The following GALNTL6 variants were observed in gnomAD, a reference collection of about 807,000 sequenced individuals.
The protein encoded by GALNTL6 is polypeptide N-acetylgalactosaminyltransferase-like 6.
GALNTL6 carries 46 observed loss-of-function variants against 73.7 expected under a neutral mutation model. The observed-to-expected ratio is 0.62, with a 90% confidence interval of 0.49 to 0.80. The LOEUF is 0.80. Ranked by LOEUF, GALNTL6 falls within the 30% of genes least tolerant of loss-of-function variation. The pLI is 0.00. For missense variants in GALNTL6, 604 were observed against 755.0 expected (o/e 0.80, Z 2.34); for synonymous variants, 259 against 263.7 (o/e 0.98, Z 0.17).
chr4:172,351,886 T>C (rs2111222452), intron 5 of GALNTL6, among the ~76,000 whole-genome samples: 1 of 152,248 alleles, frequency 6.6e-6, no homozygotes, highest in South Asian at 2.1e-4. Context: ...TCAGATACTC[T>C]ACAAGATCCT....
intron 10 of GALNTL6, among the ~76,000 whole-genome samples, chr4:172,966,197 C>T (rs1449575898): frequency 1.3e-5 from 2 of 152,126 alleles, no homozygotes; most frequent in Non-Finnish European, 2.9e-5. Flanking sequence ...AATACCTCCA[C>T]CCTACCAATG....
intron 2 of GALNTL6, among the ~76,000 whole-genome samples, chr4:172,004,306 G>A (rs547242271): frequency 5.3e-5 from 8 of 152,202 alleles, no homozygotes; most frequent in Admixed American, 4.6e-4. Flanking sequence ...GAGTGACAAT[G>A]GATCAGTTAC....
chr4:172,437,526 T>A (rs935734010), intron 5 of GALNTL6, among the ~76,000 whole-genome samples: 1 of 152,158 alleles, frequency 6.6e-6, no homozygotes, highest in African/African-American at 2.4e-5. Flanking sequence ...TGATAAATGA[T>A]TCTATGCTTC....
At chr4:172,849,011 A>C (rs2111104135) in intron 7 of GALNTL6, among the ~76,000 whole-genome samples, 1 of 152,268 alleles carries the variant, frequency 6.6e-6, no homozygotes, top group East Asian at 1.9e-4. Context: ...AGCTGAGGGA[A>C]GCCACCACCA....
intron 8 of GALNTL6, among the ~76,000 whole-genome samples, chr4:172,901,459 C>A (rs17058998): frequency 6.6e-6 from 1 of 152,018 alleles, no homozygotes; most frequent in East Asian, 1.9e-4. Context: ...GTAAAATATA[C>A]CCTGGTCAGC....
intron 5 of GALNTL6, among the ~76,000 whole-genome samples, chr4:172,662,500 A>ATAGTGT (rs1731428679): frequency 6.6e-6 from 1 of 152,174 alleles, no homozygotes; most frequent in Non-Finnish European, 1.5e-5. Flanking sequence ...TATAGTTAGT[A>ATAGTGT]ACAGCTCAGT....
In GALNTL6 at chr4:172,965,966, CCTTT is replaced by C. The variant is rs1299837754; in HGVS notation, c.1371+13711_1371+13714del. Among the ~76,000 whole-genome samples, 11 of 151,940 alleles carry C rather than the reference CCTTT, an allele frequency of 7.2e-5. No individual in the cohort carries two copies. The East Asian group carries it at 2.1e-3, about 29-fold the overall frequency. ...ATTTAATTTTCAGTGAAAATTAGTG[CCTTT>C]CTAATTCCAAGAATGACACTAAATT... On this transcript the variant is annotated intron_variant, in intron 10 of 12. Transcript: ENST00000506823.
intron 5 of GALNTL6, among the ~76,000 whole-genome samples, chr4:172,715,143 T>C (rs1453542542): frequency 6.6e-6 from 1 of 152,186 alleles, no homozygotes; most frequent in Non-Finnish European, 1.5e-5. Flanking sequence ...AATTATCCTT[T>C]TGGGGTCTCT....
intron 10 of GALNTL6, among the ~76,000 whole-genome samples, chr4:173,000,735 T>C (rs868623787): frequency 2.0e-5 from 3 of 152,302 alleles, no homozygotes; most frequent in South Asian, 4.1e-4. Flanking sequence ...TCCAATAGAT[T>C]GCCAAGAAAT....
chr4:172,495,379 G>A (rs1355909189), intron 5 of GALNTL6, among the ~76,000 whole-genome samples: 1 of 152,200 alleles, frequency 6.6e-6, no homozygotes, highest in Admixed American at 6.5e-5. Context: ...GCTGAAGCGA[G>A]GAGGCTTAAT....
At chr4:172,272,297 A>C (rs1031051635) in intron 3 of GALNTL6, among the ~76,000 whole-genome samples, 1 of 152,196 alleles carries the variant, frequency 6.6e-6, no homozygotes, top group Non-Finnish European at 1.5e-5. Flanking sequence ...ATATTAGTAC[A>C]GTCATGCTTT....
At chr4:172,756,924 C>T (rs1737787609) in intron 5 of GALNTL6, among the ~76,000 whole-genome samples, 1 of 152,058 alleles carries the variant, frequency 6.6e-6, no homozygotes, top group African/African-American at 2.4e-5. Flanking sequence ...TTATATTTTA[C>T]AAGTTTTTTG....
intron 2 of GALNTL6, among the ~76,000 whole-genome samples, chr4:172,020,597 G>A (rs554519010): frequency 1.3e-5 from 2 of 151,552 alleles, no homozygotes; most frequent in South Asian, 2.1e-4. Context: ...TACACCTACC[G>A]AGATTAGACC....
At chr4:171,865,070 C>T (rs926038673) in intron 2 of GALNTL6, among the ~76,000 whole-genome samples, 5 of 151,738 alleles carry the variant, frequency 3.3e-5, no homozygotes, top group Non-Finnish European at 5.9e-5. Context: ...CTCTTGACCC[C>T]GGGAGGCGGA....
chr4:171,880,819 A>T (rs570449260), intron 2 of GALNTL6, among the ~76,000 whole-genome samples: 1 of 152,336 alleles, frequency 6.6e-6, no homozygotes, highest in African/African-American at 2.4e-5. Context: ...TACTTAAAAA[A>T]AAGAAAAACT....
intron 2 of GALNTL6, among the ~76,000 whole-genome samples, chr4:172,058,584 T>C (rs1232131853): frequency 6.6e-6 from 1 of 152,130 alleles, no homozygotes; most frequent in Admixed American, 6.6e-5. Flanking sequence ...CTGCATGTTG[T>C]TCTTACCTTT....
rs28780442 is a variant in GALNTL6, at chr4:172,957,600, G to T, written c.1371+5342G>T. ...ATGGCCTTTGCAGTGAATGACTCTA[G>T]CTTCCTTTGGAAGTAAAGCGGCTTT... On this transcript the variant is annotated intron_variant, in intron 10 of 12. Coordinates refer to ENST00000506823, the MANE Select transcript of GALNTL6 (RefSeq NM_001034845.3). Among the ~76,000 whole-genome samples, 492 of 152,310 alleles carry T rather than the reference G, an allele frequency of 3.2e-3. 1 individual carries two copies. The highest frequency in any genetic ancestry group is 0.011 in the African/African-American group (444 of 41,564).
At chr4:173,027,226 G>A (rs1330407052) in intron 12 of GALNTL6, among the ~76,000 whole-genome samples, 1 of 151,994 alleles carries the variant, frequency 6.6e-6, no homozygotes, top group African/African-American at 2.4e-5. Context: ...TCATGATCCC[G>A]CCCACCTCTA....
intron 2 of GALNTL6, among the ~76,000 whole-genome samples, chr4:171,943,971 T>C (rs543540682): frequency 3.3e-5 from 5 of 152,152 alleles, no homozygotes; most frequent in Admixed American, 2.0e-4. Flanking sequence ...AACCTAAGCC[T>C]TCTAGAAATT....
Sources: gnomAD v4.1 joint callset for allele counts (sites outside exome capture counted in the v4.1 genomes callset) on GRCh38, gnomAD v4.1.1 for gene constraint, MANE v1.5 for transcripts, NCBI Gene and HGNC (gene_info 2026-07-23, HGNC 2026-07-21) for gene names.